Variants in ARFGEF3 observed in about 807,000 individuals in gnomAD.
ARFGEF3 encodes ARFGEF family member 3, also known as brefeldin A-inhibited guanine nucleotide-exchange protein 3.
A neutral mutation model predicts 221.7 loss-of-function variants in ARFGEF3; 96 were observed. That is an observed-to-expected ratio of 0.43 (90% confidence interval 0.37 to 0.51). The LOEUF is 0.51. Among genes scored for constraint, ARFGEF3 ranks in the 20% least tolerant of loss-of-function variants. The pLI, the probability that ARFGEF3 is intolerant of heterozygous loss-of-function variation, is 0.00. For synonymous variants in ARFGEF3, 1,145 were observed against 1,126.8 expected (o/e 1.02, Z -0.32); for missense variants, 2,410 against 2,789.9 (o/e 0.86, Z 3.07).
At chr6:138,195,942 G>T in intron 2 of ARFGEF3, among the ~76,000 whole-genome samples, 1 of 150,416 alleles carries the variant, frequency 6.6e-6, no homozygotes, top group East Asian at 2.0e-4. Flanking sequence ...GAGATAATGT[G>T]AGGAAATGTT....
At chr6:138,194,645 C>T (rs979869643) in intron 2 of ARFGEF3, among the ~76,000 whole-genome samples, 3 of 152,088 alleles carry the variant, frequency 2.0e-5, no homozygotes, top group Admixed American at 1.3e-4. Context: ...TTTTAAATGA[C>T]GTATTTGGCT....
At chr6:138,247,020 G>T (rs573176960) in intron 8 of ARFGEF3, among the ~76,000 whole-genome samples, 2 of 152,026 alleles carry the variant, frequency 1.3e-5, no homozygotes, top group African/African-American at 4.8e-5. Context: ...AAATGAAAAA[G>T]CCTATATAAT....
intron 4 of ARFGEF3, among the ~76,000 whole-genome samples, chr6:138,227,367 C>G (rs1029582639): frequency 6.6e-6 from 1 of 152,192 alleles, no homozygotes; most frequent in Non-Finnish European, 1.5e-5. Flanking sequence ...GCAGCTCTTG[C>G]TCACAGAAAA....
At chr6:138,187,114 C>T (rs993075645) in intron 2 of ARFGEF3, among the ~76,000 whole-genome samples, 2 of 151,988 alleles carry the variant, frequency 1.3e-5, no homozygotes, top group East Asian at 3.9e-4. Flanking sequence ...AGGGTTTCTC[C>T]ATGTTGATCA....
At chr6:138,299,846 T>G (rs1008270778) in intron 22 of ARFGEF3, among the ~76,000 whole-genome samples, 1 of 152,170 alleles carries the variant, frequency 6.6e-6, no homozygotes, top group African/African-American at 2.4e-5. Flanking sequence ...ATGGAAAGTT[T>G]TTTAAAAAGA....
intron 2 of ARFGEF3, among the ~76,000 whole-genome samples, chr6:138,194,391 G>A (rs1206202182): frequency 2.0e-5 from 3 of 152,316 alleles, no homozygotes; most frequent in East Asian, 3.9e-4. Flanking sequence ...ACTCCTTGGC[G>A]GAAGGGCGCT....
chr6:138,277,004 T>A (rs1036541140), intron 12 of ARFGEF3, among the ~76,000 whole-genome samples: 4 of 152,166 alleles, frequency 2.6e-5, no homozygotes, highest in African/African-American at 9.7e-5. Context: ...TTTGTTTTCA[T>A]CATGGTAAAA....
intron 4 of ARFGEF3, 63 bp downstream of exon 4, chr6:138,210,104 C>T (rs1777697623): frequency 6.5e-7 from 1 of 1,542,634 alleles, no homozygotes; most frequent in Non-Finnish European, 8.9e-7. Flanking sequence ...ATCCCCTGCA[C>T]TTGTTATCTG....
At position 138,343,455 on chromosome 6, in the gene ARFGEF3, G is replaced by GTTTT. The variant is rs1321599622; in HGVS notation, c.*6970_*6971insTTTT. ...TTTGCCTCTGTGGATGGAAATAAGG[G>GTTTT]TGTTTTTTTTTGGTTTTTTTTTTAC... On this transcript the variant is annotated 3_prime_UTR_variant, in exon 34 of 34. Coordinates refer to ENST00000251691, the MANE Select transcript of ARFGEF3 (RefSeq NM_020340.5). 120 of 134,304 alleles carry GTTTT rather than the reference G, an allele frequency of 8.9e-4. No individual in the cohort carries two copies. Among genetic ancestry groups the GTTTT allele is most frequent in the African/African-American group, 4.4e-3 (115 of 26,212 alleles). The allele number at this position is 134,304 out of a possible 1,614,324, so 8.3% of individuals were successfully genotyped here. A position where few individuals can be genotyped will look rare whatever the true frequency, so the allele number is the denominator to read the frequency against.
At position 138,292,065 on chromosome 6, in the gene ARFGEF3, C is replaced by A. The variant is rs780619422; in HGVS notation, c.3368+12C>A. On this transcript the variant is annotated intron_variant, in intron 19 of 33. Transcript: ENST00000251691. ...ACGCAAGCCGACAGGTGCGCGGCGC[C>A]GGCCTCCCACGCCCCGGGAGCCTGC... The A allele has an allele frequency of 7.1e-7, 1 of 1,404,068 alleles. No individual in the cohort carries two copies. Among genetic ancestry groups the A allele is most frequent in the Admixed American group, 3.0e-5 (1 of 33,874 alleles). 87.0% of individuals were successfully genotyped at this position (1,404,068 alleles called of 1,614,324 possible).
intron 2 of ARFGEF3, among the ~76,000 whole-genome samples, chr6:138,196,498 T>C (rs1015826777): frequency 6.6e-6 from 1 of 152,198 alleles, no homozygotes; most frequent in Admixed American, 6.5e-5. Context: ...TACACCTGTA[T>C]AGGGCACTTA....
At chr6:138,177,097 ATATTTT>A (rs376096162) in intron 2 of ARFGEF3, among the ~76,000 whole-genome samples, 169 of 125,278 alleles carry the variant, frequency 1.3e-3, no homozygotes, top group Admixed American at 3.0e-3. Flanking sequence ...TTATTTATTT[ATATTTT>A]TTTTGAGACA....
chr6:138,339,768 A>C lies in ARFGEF3; in HGVS notation c.*3282A>C, dbSNP rs556244657. 1 of 152,350 alleles carries C rather than the reference A, an allele frequency of 6.6e-6. No individual in the cohort carries two copies. The highest frequency in any genetic ancestry group is 2.4e-5 in the African/African-American group (1 of 41,560). The allele number at this position is 152,350 out of a possible 1,614,324, so 9.4% of individuals were successfully genotyped here. ...CTGTATCTCCTGATCTGCTTTTAAA[A>C]ATAGTTAGTTAGGCTGCCTTTTTAC... On this transcript the variant is annotated 3_prime_UTR_variant, in exon 34 of 34. Coordinates refer to ENST00000251691, the MANE Select transcript of ARFGEF3 (RefSeq NM_020340.5).
At chr6:138,176,414 C>A (rs1208431493) in intron 2 of ARFGEF3, among the ~76,000 whole-genome samples, 1 of 152,138 alleles carries the variant, frequency 6.6e-6, no homozygotes, top group Non-Finnish European at 1.5e-5. Flanking sequence ...AATGCCTGAC[C>A]TCGTGATCCA....
chr6:138,182,644 G>C (rs1245016979), intron 2 of ARFGEF3, among the ~76,000 whole-genome samples: 1 of 152,212 alleles, frequency 6.6e-6, no homozygotes, highest in African/African-American at 2.4e-5. Context: ...AGATAAAAGA[G>C]ACTCTAGTCT....
At chr6:138,279,189 A>G (rs1779152684) in intron 13 of ARFGEF3, among the ~76,000 whole-genome samples, 2 of 151,552 alleles carry the variant, frequency 1.3e-5, no homozygotes, top group African/African-American at 4.9e-5. Context: ...TAATTTTTTA[A>G]TTATTTTTTG....
chr6:138,285,900 C>A (rs1479318514), intron 14 of ARFGEF3, 46 bp from the exon 15 acceptor site: 2 of 1,152,028 alleles, frequency 1.7e-6, no homozygotes, highest in East Asian at 2.3e-5. Context: ...TTGTTTTTGA[C>A]TGGAGTGTTT....
intron 10 of ARFGEF3, among the ~76,000 whole-genome samples, chr6:138,257,994 GCCTC>G (rs1778717779): frequency 6.6e-6 from 1 of 152,256 alleles, no homozygotes; most frequent in South Asian, 2.1e-4. Flanking sequence ...ATTCTAGCTG[GCCTC>G]CCTCTCCTGC....
chr6:138,181,785 G>A (rs188028780), intron 2 of ARFGEF3, among the ~76,000 whole-genome samples: 158 of 152,280 alleles, frequency 1.0e-3, no homozygotes, highest in African/African-American at 3.7e-3. Context: ...TTTTTGCTGT[G>A]TGCATTATTC....
Sources: allele counts gnomAD v4.1 joint callset (sites outside exome capture counted in the v4.1 genomes callset), GRCh38; gene constraint gnomAD v4.1.1; transcripts MANE v1.5; gene names NCBI Gene and HGNC (gene_info 2026-07-23, HGNC 2026-07-21).